The following COP1 variants were observed in gnomAD, a reference collection of about 807,000 sequenced individuals.
COP1 encodes COP1 E3 ubiquitin ligase.
A neutral mutation model predicts 101.3 loss-of-function variants in COP1; 24 were observed. The observed-to-expected ratio is 0.24, with a 90% confidence interval of 0.17 to 0.33. The LOEUF (loss-of-function observed/expected upper bound fraction) is 0.33, where lower values mean the gene tolerates loss of function less well. Among genes scored for constraint, COP1 ranks in the 10% least tolerant of loss-of-function variants. COP1 has a pLI of 1.00. For synonymous variants in COP1, 347 were observed against 341.9 expected, an observed-to-expected ratio of 1.01 and a Z score of -0.17; for missense variants, 663 against 906.2, an observed-to-expected ratio of 0.73 and a Z score of 3.45.
At chr1:176,108,195 C>T (rs1684658078) in intron 9 of COP1, among the ~76,000 whole-genome samples, 1 of 152,000 alleles carries the variant, frequency 6.6e-6, no homozygotes, top group African/African-American at 2.4e-5. Flanking sequence ...AATCAATAGG[C>T]AATTACAAAA....
intron 8 of COP1, among the ~76,000 whole-genome samples, chr1:176,133,072 G>A (rs1178355421): frequency 1.3e-4 from 18 of 137,202 alleles, no homozygotes; most frequent in African/African-American, 3.2e-4. Flanking sequence ...ACATATGTAC[G>A]TATATATACT....
chr1:176,184,794 AG>A, intron 1 of COP1, 102 bp from the exon 2 acceptor site: 1 of 775,028 alleles, frequency 1.3e-6, no homozygotes, highest in Non-Finnish European at 2.2e-6. Context: ...TTCAATATAC[AG>A]TTTAGAGCTA....
intron 11 of COP1, among the ~76,000 whole-genome samples, chr1:176,050,722 C>T (rs1571926362): frequency 6.6e-6 from 1 of 152,322 alleles, no homozygotes. Flanking sequence ...CCATAACATA[C>T]ATAACACTTG....
chr1:176,151,353 A>AAAAGAAAG (rs200187869), intron 5 of COP1, among the ~76,000 whole-genome samples: 6,760 of 115,778 alleles, frequency 0.058, 242 homozygotes, highest in Non-Finnish European at 0.065. Context: ...GAAAGAAAGA[A>AAAAGAAAG]AAAGAAAGAA....
chr1:176,059,220 C>G (rs1352077428), intron 11 of COP1, among the ~76,000 whole-genome samples: 1 of 152,200 alleles, frequency 6.6e-6, no homozygotes, highest in Non-Finnish European at 1.5e-5. Flanking sequence ...ATTCATCTAT[C>G]AAGTGTATTC....
rs1572856279 is a variant in COP1, at chr1:176,206,988, C to T, written c.-10G>A. 1 of 1,369,778 alleles carries T rather than the reference C, an allele frequency of 7.3e-7. No homozygotes were observed. Among genetic ancestry groups the T allele is most frequent in the African/African-American group, 1.5e-5 (1 of 65,800 alleles). 84.9% of individuals were successfully genotyped at this position (1,369,778 alleles called of 1,614,324 possible). Reference sequence around the variant, plus strand: ...GGCGGCTACCAGACATCGTGACTCCCTCCCCTCCAGCCGGGCGCTCGGAGG... The same window carrying T: ...GGCGGCTACCAGACATCGTGACTCCTTCCCCTCCAGCCGGGCGCTCGGAGG... On this transcript the variant is annotated 5_prime_UTR_variant, in exon 1 of 20. Transcript: ENST00000367669.
intron 18 of COP1, among the ~76,000 whole-genome samples, chr1:175,974,802 G>A (rs560418351): frequency 6.6e-6 from 1 of 151,244 alleles, no homozygotes; most frequent in East Asian, 1.9e-4. Flanking sequence ...GAAGGCTGAG[G>A]CAGGTGGATC....
rs149912477 is a variant in COP1, at chr1:175,967,609, A to T, written c.2133+19334T>A. ...CCACAACTTAACAGCAAAACACACA[A>T]CAGGAAAAACCAAGATTTTGAATTC... is the stretch of plus-strand genomic sequence containing the variant. On this transcript the variant is annotated intron_variant, in intron 18 of 19. Transcript: ENST00000367669. Among the ~76,000 whole-genome samples, 399 of 152,358 alleles carry T rather than the reference A, an allele frequency of 2.6e-3. 3 individuals are homozygous for T. Among genetic ancestry groups the T allele is most frequent in the African/African-American group, 9.2e-3 (381 of 41,584 alleles).
intron 1 of COP1, among the ~76,000 whole-genome samples, chr1:176,196,991 G>A (rs548101681): frequency 6.6e-6 from 1 of 152,158 alleles, no homozygotes; most frequent in African/African-American, 2.4e-5. Context: ...TAATACCTAT[G>A]TTACGGGTTA....
chr1:176,124,798 G>C (rs1185497918), intron 8 of COP1, among the ~76,000 whole-genome samples: 1 of 152,164 alleles, frequency 6.6e-6, no homozygotes, highest in Non-Finnish European at 1.5e-5. Flanking sequence ...CAGTGGGATT[G>C]CTGCGTAATA....
chr1:176,201,208 C>G (rs2102272145), intron 1 of COP1, among the ~76,000 whole-genome samples: 1 of 151,870 alleles, frequency 6.6e-6, no homozygotes, highest in East Asian at 1.9e-4. Context: ...CAAAAAAACC[C>G]CTAAAATCCA....
intron 14 of COP1, among the ~76,000 whole-genome samples, chr1:176,035,837 T>C (rs932698803): frequency 2.0e-5 from 3 of 152,024 alleles, no homozygotes; most frequent in African/African-American, 2.4e-5. Flanking sequence ...TTCAATGCAT[T>C]TGAAATATTT....
intron 15 of COP1, among the ~76,000 whole-genome samples, chr1:176,026,983 C>T (rs750696071): frequency 6.6e-6 from 1 of 152,020 alleles, no homozygotes; most frequent in African/African-American, 2.4e-5. Context: ...ATGGTACAAA[C>T]GGTGTGAACT....
At position 176,162,971 on chromosome 1, in the gene COP1, C is replaced by G. The variant is rs753910989; in HGVS notation, c.660G>C (p.Gln220His). Residue 220 changes from glutamine to histidine, a missense_variant, in exon 5 of 20, where the codon CAG becomes CAC. Gln to His is a conservative substitution (Grantham distance 24). This residue lies in a region of COP1 where 212 missense variants were observed against 240.7 expected (regional missense o/e 0.88). Transcript: ENST00000367669. ...SVSSTNGHRW[Q>H]IFQDWLGTDQ... ...CAGTTCCCAACCAATCTTGAAATAT[C>G]TGCCACCTGTGGCCATTCTAAAAAT... 5.6e-6 allele frequency: 9 copies of G among 1,604,700 alleles called. No homozygotes were observed. Among genetic ancestry groups the G allele is most frequent in the Non-Finnish European group, 6.8e-6 (8 of 1,176,004 alleles).
intron 9 of COP1, among the ~76,000 whole-genome samples, chr1:176,086,302 T>C (rs1474492218): frequency 1.3e-5 from 2 of 148,704 alleles, no homozygotes; most frequent in African/African-American, 2.5e-5. Flanking sequence ...CTCAGCTCAC[T>C]GCAAGCTCTA....
At chr1:175,984,008 T>G (rs912762598) in intron 18 of COP1, among the ~76,000 whole-genome samples, 9 of 152,136 alleles carry the variant, frequency 5.9e-5, no homozygotes, top group African/African-American at 1.9e-4. Flanking sequence ...TTCAAAAAAT[T>G]TGCAGCCTGA....
intron 5 of COP1, among the ~76,000 whole-genome samples, chr1:176,151,575 C>T (rs1258358141): frequency 6.6e-6 from 1 of 152,080 alleles, no homozygotes; most frequent in African/African-American, 2.4e-5. Context: ...CATTGGTCTT[C>T]TTTATTTTCC....
chr1:176,196,895 A>G (rs1323297735), intron 1 of COP1, among the ~76,000 whole-genome samples: 1 of 150,292 alleles, frequency 6.7e-6, no homozygotes, highest in Admixed American at 6.6e-5. Context: ...AAAAAAAAAG[A>G]GAAAAAGAAA....
intron 8 of COP1, among the ~76,000 whole-genome samples, chr1:176,117,957 A>G (rs1686489635): frequency 6.6e-6 from 1 of 152,198 alleles, no homozygotes; most frequent in Non-Finnish European, 1.5e-5. Flanking sequence ...TCTACCCTAT[A>G]AAATTTAAGC....
Sources: allele counts gnomAD v4.1 joint callset (sites outside exome capture counted in the v4.1 genomes callset), GRCh38; gene constraint gnomAD v4.1.1; regional missense constraint gnomAD v4.1.1; transcripts MANE v1.5; gene names NCBI Gene and HGNC (gene_info 2026-07-23, HGNC 2026-07-21).